KIF26B: variants seen among roughly 807,000 people sequenced by gnomAD.
KIF26B encodes kinesin family member 26B, also known as kinesin-like protein KIF26B.
In KIF26B, 63 loss-of-function variants were observed where a neutral mutation model predicts 151.2. The ratio of observed to expected loss-of-function variants is 0.42; its 90% CI spans 0.34 to 0.51. The LOEUF is 0.51. KIF26B is among the 20% of genes least tolerant of loss of function. KIF26B has a pLI of 0.07. For missense variants in KIF26B, 2,813 were observed against 2,913.6 expected, an observed-to-expected ratio of 0.97 and a Z score of 0.79; for synonymous variants, 1,357 against 1,262.1, an observed-to-expected ratio of 1.08 and a Z score of -1.59.
At chr1:245,671,639 T>C (rs998489768) in intron 10 of KIF26B, among the ~76,000 whole-genome samples, 4 of 152,228 alleles carry the variant, frequency 2.6e-5, no homozygotes, top group African/African-American at 9.7e-5. Context: ...TATGTATATT[T>C]CACCACAATA....
intron 2 of KIF26B, among the ~76,000 whole-genome samples, chr1:245,169,362 T>TGTGTGTGTGTGTGTGTGTGCGCGC (rs879260509): frequency 2.0e-5 from 3 of 150,986 alleles, no homozygotes; most frequent in African/African-American, 4.9e-5. Flanking sequence ...TGTGTGTGTG[T>TGTGTGTGTGTGTGTGTGTGCGCGC]GCGCGCAAGC....
At position 245,667,829 on chromosome 1, in the gene KIF26B, G is replaced by GGCATGAGTA. The variant is rs1173619020; in HGVS notation, c.2259-16395_2259-16387dup. 6.6e-6 allele frequency among the ~76,000 whole-genome samples: 1 copy of GGCATGAGTA among 152,164 alleles called. No individual in the cohort carries two copies. Among genetic ancestry groups the GGCATGAGTA allele is most frequent in the Non-Finnish European group, 1.5e-5 (1 of 68,030 alleles). The stretch of plus-strand genomic sequence containing the variant: ...GACAAACAAAAGGGACCAAAGAGGT[G>GGCATGAGTA]GCATGAGTAGCATGAGTCAGATGTG... On this transcript the variant is annotated intron_variant, in intron 10 of 14. Transcript: ENST00000407071. The surrounding 1 kb of genome is among the most constrained non-coding windows in gnomAD (Gnocchi z 4.3).
At chr1:245,636,903 T>G (rs114563411) in intron 9 of KIF26B, among the ~76,000 whole-genome samples, 1 of 151,856 alleles carries the variant, frequency 6.6e-6, no homozygotes, top group Non-Finnish European at 1.5e-5. Flanking sequence ...ACATTTTCTT[T>G]ATTAATTTAC....
At chr1:245,172,055 C>G (rs1406467692) in intron 2 of KIF26B, among the ~76,000 whole-genome samples, 1 of 139,202 alleles carries the variant, frequency 7.2e-6, no homozygotes, top group African/African-American at 2.6e-5. Context: ...TCAGTTCATT[C>G]ATTTTTCATT....
At chr1:245,369,585 G>T (rs889193747) in intron 3 of KIF26B, among the ~76,000 whole-genome samples, 2 of 152,204 alleles carry the variant, frequency 1.3e-5, no homozygotes, top group Non-Finnish European at 2.9e-5. Context: ...GGTAGGTGGG[G>T]CAGGTGTTAG....
At chr1:245,183,682 C>T (rs1474602250) in intron 2 of KIF26B, among the ~76,000 whole-genome samples, 1 of 152,112 alleles carries the variant, frequency 6.6e-6, no homozygotes, top group East Asian at 1.9e-4. Flanking sequence ...GAATCTCTAA[C>T]ACATCTTCTG....
rs148588557 is a variant in KIF26B at position 245,608,180 on chromosome 1, G to C, written c.1651+436G>C. Among the ~76,000 whole-genome samples the C allele has an allele frequency of 3.0e-4, 45 of 152,270 alleles. No homozygotes were observed. The Middle Eastern group carries it at 0.01, about 35-fold the overall frequency. ...AAGCCCAGAGCCCAGGGCGCGTCTG[G>C]AGAAAGCAGTGCACACCGTCGGGAA... On this transcript the variant is annotated intron_variant, in intron 7 of 14. Transcript: ENST00000407071.
rs566702694 is a variant in KIF26B at position 245,540,447 on chromosome 1, G to A, written c.1167-320G>A. The A allele has an allele frequency of 1.8e-6, 1 of 552,910 alleles. No individual in the cohort carries two copies. Among genetic ancestry groups the A allele is most frequent in the East Asian group, 4.3e-5 (1 of 23,380 alleles). The allele number at this position is 552,910 out of a possible 1,614,324, so 34.3% of individuals were successfully genotyped here. A position where few individuals can be genotyped will look rare whatever the true frequency, so the allele number is the denominator to read the frequency against. ...TTGTGGAGTGATGAACTTAATGGGTGCCCTTATCCCCAAAGATGCCCAGCT... is the reference window on the plus strand; with the variant it reads ...TTGTGGAGTGATGAACTTAATGGGTACCCTTATCCCCAAAGATGCCCAGCT... On this transcript the variant is annotated intron_variant, in intron 4 of 14. Transcript: ENST00000407071. This position sits in a 1 kb window ranked among gnomAD's most constrained non-coding sequence, Gnocchi z 4.6.
intron 2 of KIF26B, among the ~76,000 whole-genome samples, chr1:245,335,131 C>T (rs1028221161): frequency 1.3e-5 from 2 of 152,170 alleles, no homozygotes; most frequent in African/African-American, 4.8e-5. Context: ...GGACTTCAGA[C>T]TGTCTGTCTG....
intron 2 of KIF26B, among the ~76,000 whole-genome samples, chr1:245,288,116 G>A (rs1407280914): frequency 6.6e-6 from 1 of 151,984 alleles, no homozygotes; most frequent in Non-Finnish European, 1.5e-5. Flanking sequence ...CTTTCGGAGC[G>A]AGCATTATTC....
chr1:245,203,020 C>T (rs112980603), intron 2 of KIF26B, among the ~76,000 whole-genome samples: 3,896 of 150,868 alleles, frequency 0.026, 142 homozygotes, highest in African/African-American at 0.084. Context: ...TTTGGGAGGC[C>T]GAGGAGGGTG....
chr1:245,406,281 A>G (rs1376722607), intron 3 of KIF26B, among the ~76,000 whole-genome samples: 1 of 152,088 alleles, frequency 6.6e-6, no homozygotes, highest in Admixed American at 6.5e-5. Context: ...CTAACACTTA[A>G]TGTAACGTTT....
At chr1:245,520,611 C>CCCATCCAT (rs1210147249) in intron 4 of KIF26B, among the ~76,000 whole-genome samples, 812 of 78,728 alleles carry the variant, frequency 0.01, 9 homozygotes, top group African/African-American at 0.026. Flanking sequence ...CACCCACCCA[C>CCCATCCAT]CCATCCATCC....
chr1:245,684,910 G>C (rs1333926523), intron 11 of KIF26B, among the ~76,000 whole-genome samples: 1 of 152,178 alleles, frequency 6.6e-6, no homozygotes, highest in Non-Finnish European at 1.5e-5. Context: ...GCTGGACATC[G>C]CTGGGCTCAT....
intron 2 of KIF26B, among the ~76,000 whole-genome samples, chr1:245,337,431 C>T (rs1467734247): frequency 6.6e-6 from 1 of 151,930 alleles, no homozygotes; most frequent in Non-Finnish European, 1.5e-5. Context: ...ATCCATCCAC[C>T]TCGGCCTCCC....
intron 4 of KIF26B, among the ~76,000 whole-genome samples, chr1:245,534,161 C>CT (rs200739798): frequency 1.2e-3 from 176 of 145,346 alleles, no homozygotes; most frequent in East Asian, 1.2e-3. Flanking sequence ...TGTGGCACCA[C>CT]TTTTTTTTTT....
chr1:245,561,303 C>T (rs1018797330), intron 5 of KIF26B, among the ~76,000 whole-genome samples: 1 of 152,154 alleles, frequency 6.6e-6, no homozygotes, highest in Non-Finnish European at 1.5e-5. Flanking sequence ...TGGGCAGCTA[C>T]CGATACAGAG....
chr1:245,265,123 AC>A (rs1167097174), intron 2 of KIF26B, among the ~76,000 whole-genome samples: 29 of 148,694 alleles, frequency 2.0e-4, no homozygotes, highest in Non-Finnish European at 2.1e-4. Context: ...AATGGTGTGA[AC>A]CCGGGAGGCG....
intron 2 of KIF26B, among the ~76,000 whole-genome samples, chr1:245,265,063 G>C (rs569686476): frequency 6.6e-6 from 1 of 151,878 alleles, no homozygotes; most frequent in Non-Finnish European, 1.5e-5. Context: ...TTAGCCAGGC[G>C]TGGTGGCTGG....
Sources: allele counts gnomAD v4.1 joint callset (sites outside exome capture counted in the v4.1 genomes callset), GRCh38; gene constraint gnomAD v4.1.1; non-coding constraint Gnocchi (gnomAD v3.1); transcripts MANE v1.5; gene names NCBI Gene and HGNC (gene_info 2026-07-23, HGNC 2026-07-21).